RBFOX1: variants seen among roughly 807,000 people sequenced by gnomAD.
RBFOX1 encodes the protein RNA binding fox-1 homolog 1, also known as RNA binding protein fox-1 homolog 1.
In RBFOX1, 8 loss-of-function variants were observed where a neutral mutation model predicts 57.7. The ratio of observed to expected loss-of-function variants is 0.14; its 90% CI spans 0.08 to 0.25. The LOEUF is 0.25. RBFOX1 is among the 10% of genes least tolerant of loss of function. The pLI, the probability that RBFOX1 is intolerant of heterozygous loss-of-function variation, is 1.00. For missense variants in RBFOX1, 611 were observed against 548.5 expected (o/e 1.11, Z -1.14); for synonymous variants, 326 against 222.4 (o/e 1.47, Z -4.15).
chr16:5,519,139 A>G (rs187333848), intron 2 of RBFOX1, among the ~76,000 whole-genome samples: 67 of 152,300 alleles, frequency 4.4e-4, no homozygotes, highest in African/African-American at 1.5e-3. Context: ...AAGCCTCCAG[A>G]ACTGTGAGAG....
intron 3 of RBFOX1, among the ~76,000 whole-genome samples, chr16:5,646,182 A>ATTTTTTTT (rs55685218): frequency 3.7e-5 from 5 of 133,726 alleles, no homozygotes; most frequent in African/African-American, 2.8e-5. Context: ...GGCACGTGCT[A>ATTTTTTTT]TTTTTTTTTT....
At chr16:7,204,087 C>G (rs2089373820) in intron 4 of RBFOX1, among the ~76,000 whole-genome samples, 3 of 152,228 alleles carry the variant, frequency 2.0e-5, no homozygotes, top group Non-Finnish European at 4.4e-5. Flanking sequence ...AAACTGGCTA[C>G]AACTCTAATC....
At chr16:5,601,234 C>T (rs2047353982), downstream of RBFOX1, 1 of 152,358 alleles carries the variant, frequency 6.6e-6, no homozygotes, top group Non-Finnish European at 1.5e-5. Flanking sequence ...CCCATGTGAG[C>T]TGGGGCTGCT....
chr16:7,653,669 C>G (rs908719359), intron 11 of RBFOX1, 146 bp from the exon 12 acceptor site: 2 of 1,227,268 alleles, frequency 1.6e-6, no homozygotes, highest in South Asian at 1.5e-5. Flanking sequence ...CTGCTCTCTG[C>G]TTTTTAACCT....
chr16:7,710,597 A>C, intron 15 of RBFOX1, 26 bp from the exon 16 acceptor site: 5 of 1,610,142 alleles, frequency 3.1e-6, no homozygotes, highest in Non-Finnish European at 4.2e-6. Flanking sequence ...TGTAAAAAAC[A>C]CACCCCTCAA....
chr16:5,857,683 A>T (rs2057106680), intron 3 of RBFOX1, among the ~76,000 whole-genome samples: 1 of 152,018 alleles, frequency 6.6e-6, no homozygotes, highest in South Asian at 2.1e-4. Context: ...GCATTTTGGG[A>T]GGCCAAGACG....
At chr16:7,304,486 G>C in intron 4 of RBFOX1, 2 of 985,286 alleles carry the variant, frequency 2.0e-6, no homozygotes, top group Non-Finnish European at 2.4e-6. Context: ...CTTACAGCAG[G>C]TAAGGCGCGC....
At chr16:6,594,079 A>G (rs73541329) in intron 2 of RBFOX1, among the ~76,000 whole-genome samples, 14 of 152,278 alleles carry the variant, frequency 9.2e-5, no homozygotes, top group East Asian at 3.9e-4. Context: ...GAGTTCATCT[A>G]TATCCACAAA....
intron 3 of RBFOX1, among the ~76,000 whole-genome samples, chr16:5,810,012 C>T (rs2055363501): frequency 1.3e-5 from 2 of 152,146 alleles, no homozygotes; most frequent in African/African-American, 2.4e-5. Flanking sequence ...AGGATGAGTT[C>T]ATGTCCTTTG....
intron 1 of RBFOX1, among the ~76,000 whole-genome samples, chr16:5,277,440 C>G (rs780861575): frequency 6.8e-6 from 1 of 146,976 alleles, no homozygotes. Flanking sequence ...TCCCTAAAAA[C>G]TATTGAAATA....
At chr16:5,628,277 A>C (rs1473700501) in intron 3 of RBFOX1, among the ~76,000 whole-genome samples, 1 of 152,154 alleles carries the variant, frequency 6.6e-6, no homozygotes, top group Non-Finnish European at 1.5e-5. Context: ...CTACCATGCA[A>C]ATGGTGATCC....
chr16:6,720,207 T>C (rs2065698551), intron 3 of RBFOX1, among the ~76,000 whole-genome samples: 1 of 152,094 alleles, frequency 6.6e-6, no homozygotes. Flanking sequence ...GTAGTCCTTA[T>C]CACCTTGGAT....
intron 1 of RBFOX1, among the ~76,000 whole-genome samples, chr16:6,142,547 A>T (rs2096727278): frequency 6.6e-6 from 1 of 152,074 alleles, no homozygotes; most frequent in Admixed American, 6.6e-5. Context: ...TTAGAAAAAC[A>T]CTCAGAACAT....
At chr16:6,598,570 A>C (rs1836279457) in intron 2 of RBFOX1, among the ~76,000 whole-genome samples, 1 of 152,240 alleles carries the variant, frequency 6.6e-6, no homozygotes, top group Non-Finnish European at 1.5e-5. Flanking sequence ...ACACTTTAAA[A>C]GTTCAATATA....
chr16:7,573,728 G>A (rs563410515), intron 5 of RBFOX1, among the ~76,000 whole-genome samples: 1 of 151,998 alleles, frequency 6.6e-6, no homozygotes, highest in Non-Finnish European at 1.5e-5. Flanking sequence ...CCAGCTACTC[G>A]GGAGGTTGAG....
At chr16:5,263,945 T>A (rs1441358791) in intron 1 of RBFOX1, among the ~76,000 whole-genome samples, 1 of 152,210 alleles carries the variant, frequency 6.6e-6, no homozygotes, top group South Asian at 2.1e-4. Flanking sequence ...TGTGATTCTT[T>A]CCAGTATCAT....
At chr16:6,932,078 C>G (rs1169251825) in intron 3 of RBFOX1, among the ~76,000 whole-genome samples, 1 of 152,094 alleles carries the variant, frequency 6.6e-6, no homozygotes, top group African/African-American at 2.4e-5. Context: ...ACCTGATCAT[C>G]TTGGTTTTTG....
intron 3 of RBFOX1, among the ~76,000 whole-genome samples, chr16:6,707,255 A>G (rs746402658): frequency 6.6e-6 from 1 of 152,168 alleles, no homozygotes; most frequent in Non-Finnish European, 1.5e-5. Flanking sequence ...TCCTCCTCCA[A>G]TATTTGGGAG....
intron 1 of RBFOX1, among the ~76,000 whole-genome samples, chr16:5,283,330 C>T (rs1596386484): frequency 6.6e-6 from 1 of 152,318 alleles, no homozygotes; most frequent in East Asian, 1.9e-4. Context: ...CCTACTGTGG[C>T]ACCACCTAGT....
Sources: allele counts gnomAD v4.1 joint callset (sites outside exome capture counted in the v4.1 genomes callset), GRCh38; gene constraint gnomAD v4.1.1; transcripts MANE v1.5; gene names NCBI Gene and HGNC (gene_info 2026-07-23, HGNC 2026-07-21).